The following ADRA1B variants were observed in gnomAD, a reference collection of about 807,000 sequenced individuals.
ADRA1B encodes adrenoceptor alpha 1B.
In ADRA1B, 17 loss-of-function variants were observed where a neutral mutation model predicts 17.9. The ratio of observed to expected loss-of-function variants is 0.95; its 90% CI spans 0.65 to 1.42. ADRA1B has a LOEUF of 1.42. ADRA1B is among the 40% of genes most tolerant of loss of function. The pLI, the probability that ADRA1B is intolerant of heterozygous loss-of-function variation, is 0.00. For missense variants in ADRA1B, 681 were observed against 722.1 expected, an observed-to-expected ratio of 0.94 and a Z score of 0.65; for synonymous variants, 366 against 327.6, an observed-to-expected ratio of 1.12 and a Z score of -1.27.
downstream of ADRA1B, among the ~76,000 whole-genome samples, chr5:159,974,385 A>G (rs1755940407): frequency 6.6e-6 from 1 of 152,240 alleles, no homozygotes; most frequent in Non-Finnish European, 1.5e-5. Context: ...CCTGTATCCC[A>G]GCACTTTGGG....
At chr5:159,975,710 A>G (rs879510064), downstream of ADRA1B, among the ~76,000 whole-genome samples, 1 of 152,204 alleles carries the variant, frequency 6.6e-6, no homozygotes, top group Admixed American at 6.5e-5. Flanking sequence ...GCTAGGGTCC[A>G]GATCTGGCCC....
chr5:159,931,035 T>G (rs1353801866), intron 1 of ADRA1B, among the ~76,000 whole-genome samples: 1 of 147,166 alleles, frequency 6.8e-6, no homozygotes, highest in Non-Finnish European at 1.5e-5. Flanking sequence ...ATAATATATA[T>G]ATTATATATA....
rs548183683 is a variant in ADRA1B at position 159,909,678 on chromosome 5, C to G, written c.-255-6441C>G. Reference sequence around the variant, plus strand: ...TAAACTACGGGAGGACAAGGAAGGCCGGCATCAATTCACTACATTCAGTTC... The same window carrying G: ...TAAACTACGGGAGGACAAGGAAGGCGGGCATCAATTCACTACATTCAGTTC... On this transcript the variant is annotated intron_variant, in intron 1 of 2. Transcript: ENST00000641205. 3.3e-5 allele frequency among the ~76,000 whole-genome samples: 5 copies of G among 152,318 alleles called. No individual in the cohort carries two copies. The South Asian group carries it at 8.3e-4, about 25-fold the overall frequency.
chr5:159,888,052 G>T (rs529623637), intron 1 of ADRA1B: 3 of 152,248 alleles, frequency 2.0e-5, no homozygotes, highest in East Asian at 1.9e-4. Flanking sequence ...CAGGAGAAAA[G>T]CATGCAGCCC....
chr5:159,882,013 C>A (rs962442821), intron 1 of ADRA1B, among the ~76,000 whole-genome samples: 3 of 152,144 alleles, frequency 2.0e-5, no homozygotes, highest in Admixed American at 6.5e-5. Context: ...ATGATCCTAG[C>A]CATCTCTGGA....
At chr5:159,896,492 T>C (rs1416116633) in intron 1 of ADRA1B, among the ~76,000 whole-genome samples, 1 of 152,208 alleles carries the variant, frequency 6.6e-6, no homozygotes, top group East Asian at 1.9e-4. Flanking sequence ...GTTCCTGGAA[T>C]TCTCATGTTC....
intron 1 of ADRA1B, among the ~76,000 whole-genome samples, chr5:159,931,074 C>A (rs570020304): frequency 1.4e-5 from 2 of 147,412 alleles, no homozygotes; most frequent in Non-Finnish European, 3.0e-5. Context: ...CTGTGATTAC[C>A]AGCCCCGGAA....
chr5:159,897,904 A>C (rs1754055962), intron 1 of ADRA1B, among the ~76,000 whole-genome samples: 1 of 152,206 alleles, frequency 6.6e-6, no homozygotes, highest in South Asian at 2.1e-4. Flanking sequence ...GGACAAGGGC[A>C]CTGGCGCCTG....
At chr5:159,910,156 T>A (rs148863215) in intron 1 of ADRA1B, among the ~76,000 whole-genome samples, 1 of 152,158 alleles carries the variant, frequency 6.6e-6, no homozygotes, top group Non-Finnish European at 1.5e-5. Flanking sequence ...CTTTGTTGAG[T>A]GTTTTTACGA....
At chr5:159,899,655 C>A (rs1054421064) in intron 1 of ADRA1B, among the ~76,000 whole-genome samples, 1 of 152,150 alleles carries the variant, frequency 6.6e-6, no homozygotes, top group Admixed American at 6.5e-5. Flanking sequence ...ACAGTCATAA[C>A]CTGCACAACG....
intron 1 of ADRA1B, among the ~76,000 whole-genome samples, chr5:159,892,694 A>G (rs1207443167): frequency 6.6e-6 from 1 of 152,194 alleles, no homozygotes; most frequent in Non-Finnish European, 1.5e-5. Context: ...ATAGTATTCC[A>G]TGGTGAATAT....
At position 159,972,643 on chromosome 5, in the gene ADRA1B, T is replaced by G; in HGVS notation, c.*151T>G. 1 of 932,464 alleles carries G rather than the reference T, an allele frequency of 1.1e-6. No homozygotes were observed. The highest frequency in any genetic ancestry group is 3.3e-5 in the East Asian group (1 of 30,086). The allele number at this position is 932,464 out of a possible 1,614,324, so 57.8% of individuals were successfully genotyped here. A position where few individuals can be genotyped will look rare whatever the true frequency, so the allele number is the denominator to read the frequency against. On this transcript the variant is annotated 3_prime_UTR_variant, in exon 2 of 2. Coordinates refer to ENST00000306675, the MANE Select transcript of ADRA1B (RefSeq NM_000679.4). ...AGGGCCGGGGAGAGGGGCAGCTGCTTTTCTGGCAGGGGCATGGGTGCCAGG... is the reference window on the plus strand; with the variant it reads ...AGGGCCGGGGAGAGGGGCAGCTGCTGTTCTGGCAGGGGCATGGGTGCCAGG...
chr5:159,878,752 TTC>T (rs1230240928), intron 1 of ADRA1B, among the ~76,000 whole-genome samples: 1 of 152,190 alleles, frequency 6.6e-6, no homozygotes, highest in Non-Finnish European at 1.5e-5. Context: ...CTAAAAAATG[TTC>T]TTTCTTTTCT....
intron 1 of ADRA1B, among the ~76,000 whole-genome samples, chr5:159,923,360 C>T (rs1280746123): frequency 1.3e-5 from 2 of 152,232 alleles, no homozygotes; most frequent in South Asian, 4.1e-4. Flanking sequence ...AGGTAGGAGG[C>T]TTTGCAGTGG....
In ADRA1B at chr5:159,972,164, G is replaced by A. The variant is rs1323796655; in HGVS notation, c.1235G>A (p.Ser412Asn). Residue 412 changes from serine to asparagine, a missense_variant, in exon 2 of 2, where the codon AGC becomes AAC. Physicochemically the swap from Ser to Asn is conservative, Grantham distance 46. Transcript: ENST00000306675. ...SRKDSLDDSG[S>N]CLSGSQRTLP... The stretch of plus-strand genomic sequence containing the variant: ...AAGGACTCGCTGGACGACAGCGGCA[G>A]CTGCCTGAGCGGCAGCCAGCGGACC... 2 of 1,363,164 alleles carry A rather than the reference G, an allele frequency of 1.5e-6. No individual in the cohort carries two copies. Among genetic ancestry groups the A allele is most frequent in the South Asian group, 1.7e-5 (1 of 60,248 alleles). 84.4% of individuals were successfully genotyped at this position (1,363,164 alleles called of 1,614,324 possible). A position where few individuals can be genotyped will look rare whatever the true frequency, so the allele number is the denominator to read the frequency against.
In ADRA1B at chr5:159,917,855, G is replaced by T; in HGVS notation, c.949+1G>T. ...CCCTTCTTCATCGCTCTACCGCTTG[G>T]TAAGTTGGGGACTAGCAGCAGGGGG... On this transcript the variant is annotated splice_donor_variant, in intron 1 of 1. Transcript: ENST00000306675. LOFTEE classifies it high-confidence loss of function. The T allele has an allele frequency of 2.5e-6, 4 of 1,595,224 alleles. No individual in the cohort carries two copies. The highest frequency in any genetic ancestry group is 3.4e-6 in the Non-Finnish European group (4 of 1,172,208).
intron 1 of ADRA1B, among the ~76,000 whole-genome samples, chr5:159,945,157 T>C (rs1452356573): frequency 6.6e-6 from 1 of 152,086 alleles, no homozygotes; most frequent in African/African-American, 2.4e-5. Flanking sequence ...AGACGATCAC[T>C]TGAGGTCAGG....
At chr5:159,946,995 A>C (rs1755291044) in intron 1 of ADRA1B, among the ~76,000 whole-genome samples, 1 of 152,218 alleles carries the variant, frequency 6.6e-6, no homozygotes, top group Non-Finnish European at 1.5e-5. Flanking sequence ...TATCTTATTT[A>C]ATCTTCACAA....
At chr5:159,886,416 GT>G (rs1753923299) in intron 1 of ADRA1B, among the ~76,000 whole-genome samples, 1 of 152,206 alleles carries the variant, frequency 6.6e-6, no homozygotes, top group Non-Finnish European at 1.5e-5. Context: ...CCAATGAGGA[GT>G]TCTCACCAGC....
Sources: gnomAD v4.1 joint callset for allele counts (sites outside exome capture counted in the v4.1 genomes callset) on GRCh38, gnomAD v4.1.1 for gene constraint, MANE v1.5 for transcripts, NCBI Gene and HGNC (gene_info 2026-07-23, HGNC 2026-07-21) for gene names.